PECR: variants seen among roughly 807,000 people sequenced by gnomAD.
PECR encodes 2,4-dienoyl-CoA reductase-related protein.
Under a neutral mutation model 35.3 loss-of-function variants are expected in PECR, and 30 were observed. The ratio of observed to expected loss-of-function variants is 0.85; its 90% CI spans 0.64 to 1.15. The LOEUF (loss-of-function observed/expected upper bound fraction) is 1.15. Ranked by LOEUF, PECR falls within the 50% of genes most tolerant of loss-of-function variation. PECR has a pLI of 0.00. For missense variants in PECR, 392 were observed against 370.8 expected, an observed-to-expected ratio of 1.06 and a Z score of -0.47; for synonymous variants, 148 against 138.9, an observed-to-expected ratio of 1.07 and a Z score of -0.46.
intron 1 of PECR, among the ~76,000 whole-genome samples, chr2:216,067,386 C>T (rs1232314263): frequency 6.6e-6 from 1 of 152,088 alleles, no homozygotes; most frequent in Non-Finnish European, 1.5e-5. Context: ...AGAAAAAAAC[C>T]TTTCACGGGG....
At chr2:216,054,014 G>C (rs1199181798) in intron 4 of PECR, among the ~76,000 whole-genome samples, 1 of 152,184 alleles carries the variant, frequency 6.6e-6, no homozygotes, top group Non-Finnish European at 1.5e-5. Context: ...GCTGGGTGCA[G>C]TGGCTCATGC....
At chr2:216,041,339 C>G (rs1425360784) in intron 7 of PECR, among the ~76,000 whole-genome samples, 1 of 152,032 alleles carries the variant, frequency 6.6e-6, no homozygotes, top group Non-Finnish European at 1.5e-5. Flanking sequence ...TTCTCTCCAC[C>G]CTCACTACTT....
intron 1 of PECR, 99 bp from the exon 2 acceptor site, chr2:216,066,617 T>C (rs1247123853): frequency 9.6e-7 from 1 of 1,036,458 alleles, no homozygotes; most frequent in Non-Finnish European, 1.5e-6. Flanking sequence ...CAAATAAATA[T>C]GCCTTCATGA....
downstream of PECR, among the ~76,000 whole-genome samples, chr2:216,036,859 G>A (rs1402651520): frequency 1.3e-5 from 2 of 152,164 alleles, no homozygotes. Context: ...GATTAGTGTG[G>A]GGGAGGTATA....
downstream of PECR, among the ~76,000 whole-genome samples, chr2:216,037,295 A>C (rs1046097667): frequency 6.6e-6 from 1 of 152,228 alleles, no homozygotes; most frequent in Non-Finnish European, 1.5e-5. Flanking sequence ...AGAAGCTCTA[A>C]TAAGCAGTTG....
intron 1 of PECR, among the ~76,000 whole-genome samples, chr2:216,078,098 C>T (rs902290581): frequency 2.7e-5 from 4 of 150,220 alleles, no homozygotes; most frequent in Non-Finnish European, 5.9e-5. Flanking sequence ...ATAGTTCACA[C>T]CAAAAAACCA....
chr2:216,065,166 T>G, intron 3 of PECR, 146 bp downstream of exon 3: 1 of 740,972 alleles, frequency 1.3e-6, no homozygotes, highest in South Asian at 1.4e-5. Context: ...ATTACTATAC[T>G]GAAATGTACC....
intron 7 of PECR, among the ~76,000 whole-genome samples, chr2:216,041,908 G>A (rs933838543): frequency 4.6e-5 from 7 of 152,234 alleles, no homozygotes; most frequent in African/African-American, 1.7e-4. Context: ...CAGAAGCTAC[G>A]TGCCCCTTCT....
chr2:216,052,408 T>A (rs1371183828), intron 4 of PECR, among the ~76,000 whole-genome samples: 1 of 152,250 alleles, frequency 6.6e-6, no homozygotes, highest in African/African-American at 2.4e-5. Flanking sequence ...TTAGCATAGG[T>A]CTGCTGGTGA....
chr2:216,069,979 T>C (rs537975558), intron 1 of PECR, among the ~76,000 whole-genome samples: 1 of 148,424 alleles, frequency 6.7e-6, no homozygotes, highest in South Asian at 2.1e-4. Context: ...TTTCATGACA[T>C]TGAAAGTATA....
chr2:216,041,569 C>T (rs1319412644), intron 7 of PECR, among the ~76,000 whole-genome samples: 1 of 152,176 alleles, frequency 6.6e-6, no homozygotes, highest in East Asian at 1.9e-4. Context: ...CATACAACTC[C>T]TAATATCCTA....
Position 216,081,664 on chromosome 2 carries a change from C to T in PECR, c.78G>A (p.Gly26=), listed in dbSNP as rs1559222692. 13 of 1,613,722 alleles carry T rather than the reference C, an allele frequency of 8.1e-6. No homozygotes were observed. Among genetic ancestry groups the T allele is most frequent in the Non-Finnish European group, 1.1e-5 (13 of 1,179,974 alleles). Residue 26 remains glycine (G), a synonymous_variant, in exon 1 of 8, where the codon GGG becomes GGA. Coordinates refer to ENST00000265322, the MANE Select transcript of PECR (RefSeq NM_018441.6). ...LQGQVAIVTG[G]ATGIGKAIVK... ...CGATGGCTTTTCCGATGCCCGTGGC[C>T]CCGCCGGTGACGATGGCCACTTGGC...
intron 1 of PECR, among the ~76,000 whole-genome samples, chr2:216,073,394 A>G (rs1472358595): frequency 2.0e-5 from 3 of 152,186 alleles, no homozygotes; most frequent in African/African-American, 7.2e-5. Context: ...CATAGCTGCA[A>G]TTACTTTATT....
At chr2:216,078,688 G>A (rs906763248) in intron 1 of PECR, among the ~76,000 whole-genome samples, 26 of 151,908 alleles carry the variant, frequency 1.7e-4, no homozygotes, top group African/African-American at 6.3e-4. Flanking sequence ...TTAAGTATAT[G>A]ATGTCTTTTT....
intron 1 of PECR, among the ~76,000 whole-genome samples, chr2:216,072,943 T>G (rs923799525): frequency 1.3e-5 from 2 of 152,216 alleles, no homozygotes; most frequent in African/African-American, 4.8e-5. Context: ...ATCTCCATAC[T>G]GTTTTCCATA....
rs142448296 is a variant in PECR, at chr2:216,044,613, C to G, written c.715-598G>C. 4.6e-3 allele frequency among the ~76,000 whole-genome samples: 696 copies of G among 152,188 alleles called. 7 individuals are homozygous for G. The highest frequency in any genetic ancestry group is 0.016 in the African/African-American group (666 of 41,530). On this transcript the variant is annotated intron_variant, in intron 6 of 7. Coordinates refer to ENST00000265322, the MANE Select transcript of PECR (RefSeq NM_018441.6). ...GCTCCTTAGGAGGCTGAGGTGGGAG[C>G]ATTGCGTGGGCCTAAGAGGTTGCAG... is the stretch of plus-strand genomic sequence containing the variant.
chr2:216,033,408 G>T (rs1236586679), downstream of PECR, among the ~76,000 whole-genome samples: 1 of 152,054 alleles, frequency 6.6e-6, no homozygotes, highest in Non-Finnish European at 1.5e-5. Context: ...TAGAAGCTGG[G>T]ATTCGAACCC....
intron 4 of PECR, among the ~76,000 whole-genome samples, chr2:216,053,876 A>G (rs1254836721): frequency 2.6e-5 from 4 of 152,204 alleles, no homozygotes; most frequent in Non-Finnish European, 4.4e-5. Context: ...GCAAAAATAT[A>G]TATTTTTTTA....
chr2:216,043,063 A>ATG (rs1346696186), intron 7 of PECR, among the ~76,000 whole-genome samples: 5 of 48,498 alleles, frequency 1.0e-4, no homozygotes, highest in Admixed American at 4.3e-4. Flanking sequence ...ACATACGTAT[A>ATG]TATGTATGTA....
Sources: gnomAD v4.1 joint callset for allele counts (sites outside exome capture counted in the v4.1 genomes callset) on GRCh38, gnomAD v4.1.1 for gene constraint, MANE v1.5 for transcripts, NCBI Gene and HGNC (gene_info 2026-07-23, HGNC 2026-07-21) for gene names.